Variants in SLC45A4 observed in about 807,000 individuals in gnomAD.
The protein encoded by SLC45A4 is polyamine-transporter SLC45A4.
SLC45A4 carries 32 observed loss-of-function variants against 63.7 expected under a neutral mutation model. The observed-to-expected ratio is 0.50, with a 90% confidence interval of 0.38 to 0.67. The LOEUF (loss-of-function observed/expected upper bound fraction) is 0.67. Ranked by LOEUF, SLC45A4 falls within the 30% of genes least tolerant of loss-of-function variation. The probability of loss-of-function intolerance (pLI) is 0.00; values close to 1 mark genes in which losing one functional copy is unlikely to be tolerated. For synonymous variants in SLC45A4, 535 were observed against 510.0 expected (o/e 1.05, Z -0.66); for missense variants, 1,027 against 1,157.7 (o/e 0.89, Z 1.64).
intron 2 of SLC45A4, among the ~76,000 whole-genome samples, chr8:141,240,933 G>C (rs1268749734): frequency 6.6e-6 from 1 of 152,164 alleles, no homozygotes; most frequent in Non-Finnish European, 1.5e-5. Flanking sequence ...AGGGCAGCTG[G>C]GGGCAGCCGC....
chr8:141,273,262 G>C (rs999585408), intron 1 of SLC45A4, among the ~76,000 whole-genome samples: 3 of 152,270 alleles, frequency 2.0e-5, no homozygotes, highest in African/African-American at 7.2e-5. Context: ...GGCAATGAGG[G>C]GTGTGCCCTT....
intron 1 of SLC45A4, among the ~76,000 whole-genome samples, chr8:141,297,703 C>CGAAA (rs1232191956): frequency 6.6e-6 from 1 of 152,230 alleles, no homozygotes; most frequent in African/African-American, 2.4e-5. Flanking sequence ...CACCTGTGGA[C>CGAAA]TTTCCATTTG....
chr8:141,244,968 G>GGGGGGGGGGGGGGGGGGGC (rs1569558620), intron 2 of SLC45A4, among the ~76,000 whole-genome samples: 4 of 71,836 alleles, frequency 5.6e-5, no homozygotes. Context: ...GGGGGGGGGG[G>GGGGGGGGGGGGGGGGGGGC]GCGGTGTGGA....
intron 2 of SLC45A4, among the ~76,000 whole-genome samples, chr8:141,248,694 C>G (rs1259809096): frequency 6.6e-6 from 1 of 152,192 alleles, no homozygotes; most frequent in East Asian, 1.9e-4. Flanking sequence ...AGCAAAACCT[C>G]GTCTCAATAA....
chr8:141,253,940 C>T, intron 2 of SLC45A4, 49 bp downstream of exon 2: 1 of 1,529,046 alleles, frequency 6.5e-7, no homozygotes. Context: ...GCCCAGTCCG[C>T]TAGCACTCCG....
At position 141,218,839 on chromosome 8, in the gene SLC45A4, C is replaced by A. The variant is rs745825004; in HGVS notation, c.801G>T (p.Glu267Asp). Residue 267 changes from glutamate to aspartate, a missense_variant, in exon 5 of 9, where the codon GAG (glutamate) becomes GAT (aspartate). Coordinates refer to ENST00000517878, the MANE Select transcript of SLC45A4 (RefSeq NM_001286646.2). ...QYSPQQERSA[E>D]EPGALDGGEP... The stretch of plus-strand genomic sequence containing the variant: ...CGCCCCCATCCAGGGCGCCGGGCTC[C>A]TCAGCGCTGCGCTCCTGCTGCGGGC... 1 of 1,613,104 alleles carries A rather than the reference C, an allele frequency of 6.2e-7. No homozygotes were observed. The highest frequency in any genetic ancestry group is 8.5e-7 in the Non-Finnish European group (1 of 1,179,908).
chr8:141,307,615 G>A (rs904431314), intron 1 of SLC45A4, among the ~76,000 whole-genome samples: 1 of 152,088 alleles, frequency 6.6e-6, no homozygotes, highest in Admixed American at 6.6e-5. Flanking sequence ...CTTCGCGAGT[G>A]GTGTATCGCT....
In SLC45A4 at chr8:141,227,770, G is replaced by GCAA. The variant is rs1286889671; in HGVS notation, c.242-6008_242-6006dup. On this transcript the variant is annotated intron_variant, in intron 2 of 8. Transcript: ENST00000517878. This position sits in a 1 kb window ranked among gnomAD's most constrained non-coding sequence, Gnocchi z 4.4. Reference sequence around the variant, plus strand: ...AGATAGGGAGGGGGTGAAAAGAGGGGCAAGCTCAGGTGCTTTTCCTGAGCC... The same window carrying GCAA: ...AGATAGGGAGGGGGTGAAAAGAGGGGCAACAAGCTCAGGTGCTTTTCCTGAGCC... 4.6e-5 allele frequency among the ~76,000 whole-genome samples: 7 copies of GCAA among 152,304 alleles called. No individual in the cohort carries two copies. The highest frequency in any genetic ancestry group is 3.3e-4 in the Admixed American group (5 of 15,310).
At chr8:141,305,888 C>G (rs1166377181) in intron 1 of SLC45A4, among the ~76,000 whole-genome samples, 1 of 120,372 alleles carries the variant, frequency 8.3e-6, no homozygotes, top group African/African-American at 2.6e-5. Context: ...TTTCCTCCAT[C>G]GGGAAAGTGG....
intron 1 of SLC45A4, among the ~76,000 whole-genome samples, chr8:141,268,468 C>T (rs1039049973): frequency 1.1e-4 from 16 of 152,130 alleles, no homozygotes; most frequent in African/African-American, 3.9e-4. Context: ...AGAGACGTGC[C>T]ACTGCAGGCT....
In SLC45A4 at chr8:141,253,896, G is replaced by A. The variant is rs949392548; in HGVS notation, c.241+93C>T. ...TCCAGTGCCCGGGGCTCTCCAGGAC[G>A]CACCATCCTCTGCCTCCAGAGGATC... On this transcript the variant is annotated intron_variant, in intron 2 of 8. Transcript: ENST00000517878. 11 of 1,492,824 alleles carry A rather than the reference G, an allele frequency of 7.4e-6. No homozygotes were observed. In the Admixed American group the frequency reaches 8.1e-5, roughly 11 times the overall value. 92.5% of individuals were successfully genotyped at this position (1,492,824 alleles called of 1,614,324 possible). A position where few individuals can be genotyped will look rare whatever the true frequency, so the allele number is the denominator to read the frequency against.
At chr8:141,304,764 G>A (rs767217255) in intron 1 of SLC45A4, among the ~76,000 whole-genome samples, 3 of 152,052 alleles carry the variant, frequency 2.0e-5, no homozygotes, top group South Asian at 2.1e-4. Context: ...TAACACCCAC[G>A]TCGTCTGAGG....
At chr8:141,290,050 C>T (rs530503108) in intron 1 of SLC45A4, among the ~76,000 whole-genome samples, 2 of 151,456 alleles carry the variant, frequency 1.3e-5, no homozygotes, top group Non-Finnish European at 1.5e-5. Flanking sequence ...AAGCAAAAAA[C>T]ATATTATGTT....
At chr8:141,242,589 C>T (rs554059663) in intron 2 of SLC45A4, among the ~76,000 whole-genome samples, 3 of 152,314 alleles carry the variant, frequency 2.0e-5, no homozygotes, top group East Asian at 1.9e-4. Flanking sequence ...TTGCTCAGTT[C>T]GTAGCTTGCT....
At chr8:141,289,117 G>T (rs941553421) in intron 1 of SLC45A4, among the ~76,000 whole-genome samples, 3 of 152,222 alleles carry the variant, frequency 2.0e-5, no homozygotes, top group African/African-American at 7.2e-5. Context: ...CAGGGCCTGG[G>T]GAAGAGGATG....
Position 141,218,533 on chromosome 8 carries a change from CTCCTTGGCGGCT to C in SLC45A4, c.1095_1106del (p.Ala366_Glu369del). On this transcript the variant is annotated inframe_deletion, in exon 5 of 9. Transcript: ENST00000517878. ...AGTGATTATCCAGCAAGGTCTCGTC[CTCCTTGGCGGCT>C]TCCTTGAGGAAGGTGGCCAGGCGGG... The C allele has an allele frequency of 6.2e-7, 1 of 1,613,604 alleles. No homozygotes were observed. The highest frequency in any genetic ancestry group is 1.1e-5 in the South Asian group (1 of 91,088).
intron 1 of SLC45A4, among the ~76,000 whole-genome samples, chr8:141,261,992 C>G (rs1052756088): frequency 5.9e-5 from 9 of 152,110 alleles, no homozygotes; most frequent in Non-Finnish European, 8.8e-5. Context: ...GTAACCAAAA[C>G]AGCATGGTAC....
chr8:141,295,657 A>AACTGCCCCACGGCAGC (rs1830518703), intron 1 of SLC45A4, among the ~76,000 whole-genome samples: 2 of 152,222 alleles, frequency 1.3e-5, no homozygotes, highest in Non-Finnish European at 2.9e-5. Context: ...CATCTCCCTG[A>AACTGCCCCACGGCAGC]ACTGCCCCAC....
chr8:141,240,101 GGACA>G (rs1464097373), intron 2 of SLC45A4, among the ~76,000 whole-genome samples: 3 of 152,208 alleles, frequency 2.0e-5, no homozygotes, highest in African/African-American at 7.2e-5. Flanking sequence ...TTAAACAAAT[GGACA>G]GATATAAAGT....
Sources: gnomAD v4.1 joint callset for allele counts (sites outside exome capture counted in the v4.1 genomes callset) on GRCh38, gnomAD v4.1.1 for gene constraint, Gnocchi (gnomAD v3.1) non-coding constraint, MANE v1.5 for transcripts, NCBI Gene and HGNC (gene_info 2026-07-23, HGNC 2026-07-21) for gene names.